VDR: variants seen among roughly 807,000 people sequenced by gnomAD.
VDR encodes the protein vitamin D receptor.
VDR carries 19 observed loss-of-function variants against 39.7 expected under a neutral mutation model. The observed-to-expected ratio is 0.48, with a 90% CI of 0.33 to 0.70. The LOEUF is 0.70. VDR is among the 30% of genes least tolerant of loss of function. VDR has a pLI of 0.02. For synonymous variants in VDR, 242 were observed against 215.8 expected, an observed-to-expected ratio of 1.12 and a Z score of -1.07; for missense variants, 442 against 570.5, an observed-to-expected ratio of 0.77 and a Z score of 2.29.
At chr12:47,899,433 C>A (rs1349701897) in intron 1 of VDR, among the ~76,000 whole-genome samples, 1 of 152,184 alleles carries the variant, frequency 6.6e-6, no homozygotes, top group Non-Finnish European at 1.5e-5. Context: ...TATTACTATA[C>A]CCAGTTTACA....
At chr12:47,850,943 A>T (rs1275851892) in intron 7 of VDR, among the ~76,000 whole-genome samples, 1 of 151,430 alleles carries the variant, frequency 6.6e-6, no homozygotes, top group East Asian at 1.9e-4. Context: ...AATTGTTTAC[A>T]TGTCTATCTC....
At chr12:47,866,512 CTG>C (rs1013599556) in intron 3 of VDR, among the ~76,000 whole-genome samples, 4 of 152,306 alleles carry the variant, frequency 2.6e-5, no homozygotes, top group African/African-American at 9.6e-5. Flanking sequence ...TTCTAGAGAC[CTG>C]TGACTGGAAT....
At chr12:47,895,185 C>G (rs1008241495) in intron 1 of VDR, among the ~76,000 whole-genome samples, 1 of 152,130 alleles carries the variant, frequency 6.6e-6, no homozygotes, top group African/African-American at 2.4e-5. Flanking sequence ...GGAATAAATT[C>G]AGGTAAAAAG....
At chr12:47,862,717 G>C (rs1001112438) in intron 4 of VDR, among the ~76,000 whole-genome samples, 3 of 152,292 alleles carry the variant, frequency 2.0e-5, no homozygotes, top group African/African-American at 7.2e-5. Flanking sequence ...ATTGTCTCTG[G>C]GATGCTATGC....
In VDR at chr12:47,882,686, A is replaced by G. The variant is rs996519491; in HGVS notation, c.-3+8T>C. ...CAGGGAAGTTGCGGCTGATGAGGAA[A>G]CACCTACCTGAAGGAGCAGGGGGCA... On this transcript the variant is annotated splice_region_variant and intron_variant, in intron 2 of 9. Transcript: ENST00000549336. 7.6e-6 allele frequency: 11 copies of G among 1,449,336 alleles called. No individual in the cohort carries two copies. Among genetic ancestry groups the G allele is most frequent in the African/African-American group, 1.4e-5 (1 of 69,182 alleles). The allele number at this position is 1,449,336 out of a possible 1,614,324, so 89.8% of individuals were successfully genotyped here.
intron 7 of VDR, among the ~76,000 whole-genome samples, chr12:47,853,790 C>T (rs898449917): frequency 3.3e-5 from 5 of 151,994 alleles, no homozygotes; most frequent in African/African-American, 1.2e-4. Flanking sequence ...GGCATGGTGG[C>T]ACGCTCCTGT....
chr12:47,899,714 C>T (rs558756966), intron 1 of VDR: 74 of 192,464 alleles, frequency 3.8e-4, no homozygotes, highest in African/African-American at 1.5e-3. Context: ...TGGCCAGGCC[C>T]AGGGCTGGCA....
At chr12:47,859,339 G>A (rs902119344) in intron 4 of VDR, among the ~76,000 whole-genome samples, 2 of 152,142 alleles carry the variant, frequency 1.3e-5, no homozygotes, top group Non-Finnish European at 2.9e-5. Flanking sequence ...TGATGACCAC[G>A]TCCAAACTAA....
intron 1 of VDR, among the ~76,000 whole-genome samples, chr12:47,888,791 C>T (rs1946308997): frequency 3.9e-5 from 6 of 152,084 alleles, no homozygotes; most frequent in Admixed American, 3.9e-4. Context: ...GGTTGGTTAA[C>T]AAATACCAAA....
chr12:47,903,226 C>T (rs866588840), intron 1 of VDR, among the ~76,000 whole-genome samples: 2 of 152,176 alleles, frequency 1.3e-5, no homozygotes, highest in Admixed American at 1.3e-4. Context: ...ACCAGCCAAA[C>T]CCAAAGCCAT....
intron 3 of VDR, among the ~76,000 whole-genome samples, chr12:47,865,383 C>G (rs1388950183): frequency 6.6e-6 from 1 of 152,222 alleles, no homozygotes; most frequent in African/African-American, 2.4e-5. Context: ...CAGCTCCAAT[C>G]ATGGCTTGTA....
At chr12:47,850,678 G>C (rs1209438702) in intron 7 of VDR, among the ~76,000 whole-genome samples, 1 of 152,134 alleles carries the variant, frequency 6.6e-6, no homozygotes, top group African/African-American at 2.4e-5. Flanking sequence ...AGTTACAGGG[G>C]AAGCCATAAG....
intron 2 of VDR, among the ~76,000 whole-genome samples, chr12:47,882,450 C>T (rs1946168709): frequency 6.6e-6 from 1 of 152,204 alleles, no homozygotes; most frequent in Middle Eastern, 3.4e-3. Flanking sequence ...CACAGGAGAG[C>T]CCAGCCAGGG....
At chr12:47,895,055 C>T (rs549437871) in intron 1 of VDR, among the ~76,000 whole-genome samples, 1 of 152,324 alleles carries the variant, frequency 6.6e-6, no homozygotes, top group South Asian at 2.1e-4. Context: ...GTTGTGTCAG[C>T]TGAGATAAAT....
intron 8 of VDR, 60 bp downstream of exon 8, chr12:47,846,597 G>T: frequency 6.2e-7 from 1 of 1,608,568 alleles, no homozygotes; most frequent in Non-Finnish European, 8.5e-7. Flanking sequence ...ACCCCAGGAC[G>T]GGTGGAGCCA....
chr12:47,850,940 T>A (rs1233106697), intron 7 of VDR, among the ~76,000 whole-genome samples: 1 of 152,086 alleles, frequency 6.6e-6, no homozygotes, highest in African/African-American at 2.4e-5. Flanking sequence ...AGCAATTGTT[T>A]ACATGTCTAT....
At chr12:47,901,984 G>T (rs1592160839) in intron 1 of VDR, among the ~76,000 whole-genome samples, 5 of 152,362 alleles carry the variant, frequency 3.3e-5, no homozygotes, top group Admixed American at 3.3e-4. Flanking sequence ...ACACCAGGGA[G>T]CAGGCTAGGG....
At position 47,857,612 on chromosome 12, in the gene VDR, G is replaced by A; in HGVS notation, c.354C>T (p.Asp118=). The A allele has an allele frequency of 6.2e-7, 1 of 1,614,214 alleles. No homozygotes were observed. Among genetic ancestry groups the A allele is most frequent in the Non-Finnish European group, 8.5e-7 (1 of 1,180,038 alleles). ...CCTCAGACAGCTTGGGCCGCAGACTGTCCTTCAAGGCCTCCTCCTCCTTCC... is the reference window on the plus strand; with the variant it reads ...CCTCAGACAGCTTGGGCCGCAGACTATCCTTCAAGGCCTCCTCCTCCTTCC... ...LKRKEEEALK[D]SLRPKLSEEQ... The change falls in exon 5 of 10, where the codon GAC becomes GAT. Residue 118 remains aspartate, a synonymous_variant. Coordinates refer to ENST00000549336, the MANE Select transcript of VDR (RefSeq NM_000376.3).
intron 1 of VDR, chr12:47,904,727 G>A: frequency 7.9e-7 from 1 of 1,273,688 alleles, no homozygotes; most frequent in African/African-American, 1.5e-5. Flanking sequence ...CGCCGAGGAT[G>A]TCGCTGCTCC....
Sources: allele counts gnomAD v4.1 joint callset (sites outside exome capture counted in the v4.1 genomes callset), GRCh38; gene constraint gnomAD v4.1.1; transcripts MANE v1.5; gene names NCBI Gene and HGNC (gene_info 2026-07-23, HGNC 2026-07-21).